The following AKNAD1 variants were observed in gnomAD, a reference collection of about 807,000 sequenced individuals.
The protein encoded by AKNAD1 is protein AKNAD1.
A neutral mutation model predicts 90.8 loss-of-function variants in AKNAD1; 67 were observed. The ratio of observed to expected loss-of-function variants is 0.74; its 90% confidence interval spans 0.61 to 0.90. The LOEUF (loss-of-function observed/expected upper bound fraction) is 0.90, where lower values mean the gene tolerates loss of function less well. AKNAD1 is among the 40% of genes least tolerant of loss of function. AKNAD1 has a pLI of 0.00. For missense variants in AKNAD1, 957 were observed against 975.4 expected, an observed-to-expected ratio of 0.98 and a Z score of 0.25; for synonymous variants, 327 against 341.4, an observed-to-expected ratio of 0.96 and a Z score of 0.46.
chr1:108,849,303 A>C (rs1166411698), intron 3 of AKNAD1, among the ~76,000 whole-genome samples: 1 of 152,006 alleles, frequency 6.6e-6, no homozygotes, highest in Non-Finnish European at 1.5e-5. Context: ...CAACAAAGTG[A>C]GACCCCACAT....
upstream of AKNAD1, among the ~76,000 whole-genome samples, chr1:108,857,895 G>A (rs1021701953): frequency 6.6e-6 from 1 of 152,192 alleles, no homozygotes; most frequent in African/African-American, 2.4e-5. Flanking sequence ...TTTTGTATCT[G>A]TCATTTAGAA....
intron 14 of AKNAD1, chr1:108,817,380 G>T: frequency 4.3e-6 from 2 of 459,852 alleles, no homozygotes; most frequent in Non-Finnish European, 7.5e-6. Context: ...TGACCATGCG[G>T]GTGTTTTCTC....
rs374512909 is a variant in AKNAD1 at position 108,851,908 on chromosome 1, G to T, written c.757C>A (p.Gln253Lys). Residue 253 changes from glutamine to lysine, a missense_variant, in exon 2 of 16, where the codon CAA becomes AAA. Physicochemically the swap from Gln to Lys is moderately conservative, Grantham distance 53. Transcript: ENST00000370001. ...SGNTFKYGQG[Q>K]VHYQLPDFSK... ...AAATCAGGGAGCTGGTAATGAACTT[G>T]ACCTTGGCCGTATTTGAACGTGTTG... The T allele has an allele frequency of 6.2e-7, 1 of 1,614,180 alleles. No homozygotes were observed.
chr1:108,833,700 T>G (rs201469903), intron 9 of AKNAD1, among the ~76,000 whole-genome samples: 1 of 151,006 alleles, frequency 6.6e-6, no homozygotes, highest in South Asian at 2.1e-4. Flanking sequence ...AAAAAAAGGG[T>G]TTTTTCATCC....
intron 10 of AKNAD1, among the ~76,000 whole-genome samples, chr1:108,829,541 G>T (rs560615087): frequency 2.6e-5 from 4 of 152,182 alleles, no homozygotes; most frequent in Non-Finnish European, 4.4e-5. Context: ...GGATTAAAGG[G>T]CAGCTCAAAG....
chr1:108,853,200 C>T (rs1439517591), intron 1 of AKNAD1, among the ~76,000 whole-genome samples: 2 of 146,390 alleles, frequency 1.4e-5, no homozygotes, highest in Non-Finnish European at 3.0e-5. Context: ...GACACAATCT[C>T]GGCTCACTGC....
At chr1:108,818,087 G>T (rs1489843631) in intron 14 of AKNAD1, among the ~76,000 whole-genome samples, 2 of 152,246 alleles carry the variant, frequency 1.3e-5, no homozygotes, top group South Asian at 4.1e-4. Flanking sequence ...TGGCTCTAGG[G>T]GGTTATTTGC....
intron 13 of AKNAD1, among the ~76,000 whole-genome samples, chr1:108,821,781 C>T (rs1000480470): frequency 5.9e-5 from 9 of 152,100 alleles, no homozygotes; most frequent in Non-Finnish European, 1.0e-4. Context: ...GGAAAAAAGA[C>T]GAGTCAGTGG....
Position 108,852,148 on chromosome 1 carries a change from T to C in AKNAD1, c.517A>G (p.Asn173Asp). 2 of 1,614,080 alleles carry C rather than the reference T, an allele frequency of 1.2e-6. No homozygotes were observed. Among genetic ancestry groups the C allele is most frequent in the East Asian group, 4.5e-5 (2 of 44,880 alleles). The part of the protein sequence containing the change: ...EQTPELTDQL[N>D]PKRDGENSNK... The stretch of plus-strand genomic sequence containing the variant: ...CTGTTTTCACCATCCCTTTTCGGGT[T>C]GAGTTGGTCAGTGAGTTCTGGGGTT... The change falls in exon 2 of 16, where the codon AAC (asparagine) becomes GAC (aspartate). Residue 173 changes from asparagine (N) to aspartate (D), a missense_variant. By Grantham distance (23) the Asn-to-Asp change is conservative. Coordinates refer to ENST00000370001, the MANE Select transcript of AKNAD1 (RefSeq NM_152763.5).
At chr1:108,841,183 A>T (rs1393404896) in intron 6 of AKNAD1, among the ~76,000 whole-genome samples, 1 of 151,714 alleles carries the variant, frequency 6.6e-6, no homozygotes, top group African/African-American at 2.4e-5. Context: ...AAATAATAAT[A>T]ATAGTAATAA....
At chr1:108,843,935 C>T (rs1438215109) in intron 5 of AKNAD1, among the ~76,000 whole-genome samples, 1 of 152,200 alleles carries the variant, frequency 6.6e-6, no homozygotes, top group Non-Finnish European at 1.5e-5. Context: ...TCCACATCCC[C>T]AGTCACTAAA....
At chr1:108,838,319 GC>G (rs61007277) in intron 6 of AKNAD1, among the ~76,000 whole-genome samples, 104,521 of 148,020 alleles carry the variant, frequency 0.71, 39,127 homozygotes, top group East Asian at 0.88. Flanking sequence ...CAAAAAGATA[GC>G]CCCCCCCCCA....
At chr1:108,841,437 A>G (rs1456659036) in intron 6 of AKNAD1, among the ~76,000 whole-genome samples, 1 of 152,074 alleles carries the variant, frequency 6.6e-6, no homozygotes, top group Non-Finnish European at 1.5e-5. Flanking sequence ...TGAAGGTAGA[A>G]CCCCATTTCT....
chr1:108,818,121 G>GGC (rs1402486279), intron 14 of AKNAD1, among the ~76,000 whole-genome samples: 3 of 152,164 alleles, frequency 2.0e-5, no homozygotes, highest in Non-Finnish European at 2.9e-5. Flanking sequence ...GGCACTGCCT[G>GGC]GAGTTAGGCT....
At chr1:108,853,861 G>C (rs1664945685) in intron 1 of AKNAD1, among the ~76,000 whole-genome samples, 2 of 152,088 alleles carry the variant, frequency 1.3e-5, no homozygotes, top group Middle Eastern at 6.8e-3. Flanking sequence ...GCTTGAACCT[G>C]GGAGGCAGAG....
At chr1:108,820,685 C>T in intron 13 of AKNAD1, 59 bp from the exon 14 acceptor site, 1 of 922,708 alleles carries the variant, frequency 1.1e-6, no homozygotes, top group South Asian at 1.4e-5. Context: ...CAAATGGTGC[C>T]TATGTATCAT....
chr1:108,857,740 T>C (rs544596644), upstream of AKNAD1, among the ~76,000 whole-genome samples: 11 of 152,316 alleles, frequency 7.2e-5, no homozygotes, highest in African/African-American at 2.2e-4. Context: ...ACTTACCTTA[T>C]CTGCCCCTCC....
Position 108,852,167 on chromosome 1 carries a change from T to C in AKNAD1, c.498A>G (p.Pro166=). Residue 166 remains proline (P), a synonymous_variant, in exon 2 of 16, where the codon CCA becomes CCG. Coordinates refer to ENST00000370001, the MANE Select transcript of AKNAD1 (RefSeq NM_152763.5). ...TCGGGTTGAGTTGGTCAGTGAGTTC[T>C]GGGGTTTGTTCTTTTGGCCAAGAAT... The part of the protein sequence containing the change: ...NKNSWPKEQT[P]ELTDQLNPKR... The C allele has an allele frequency of 6.2e-7, 1 of 1,614,088 alleles. No homozygotes were observed. Among genetic ancestry groups the C allele is most frequent in the Non-Finnish European group, 8.5e-7 (1 of 1,180,012 alleles).
Position 108,827,247 on chromosome 1 carries a change from T to C in AKNAD1, c.1894A>G (p.Ile632Val), listed in dbSNP as rs1167463698. ...TGTGGTGCCTTTTCATGAAGGACAA[T>C]TGAAAATCTTCCACAGTTGATCCTT... ...HGRINCGRFS[I>V]VLHEKAPHSD... is the part of the protein sequence containing the mutation. Residue 632 changes from isoleucine (I) to valine (V), a missense_variant, in exon 11 of 16, where the codon ATT (isoleucine) becomes GTT (valine). Physicochemically the swap from Ile to Val is conservative, Grantham distance 29 (BLOSUM62 3). Coordinates refer to ENST00000370001, the MANE Select transcript of AKNAD1 (RefSeq NM_152763.5). The C allele has an allele frequency of 2.5e-6, 4 of 1,611,702 alleles. No individual in the cohort carries two copies. Among genetic ancestry groups the C allele is most frequent in the Non-Finnish European group, 3.4e-6 (4 of 1,179,486 alleles).
Sources: allele counts gnomAD v4.1 joint callset (sites outside exome capture counted in the v4.1 genomes callset), GRCh38; gene constraint gnomAD v4.1.1; transcripts MANE v1.5; gene names NCBI Gene and HGNC (gene_info 2026-07-23, HGNC 2026-07-21).